NDST4: variants seen among roughly 807,000 people sequenced by gnomAD.
NDST4 encodes the protein N-deacetylase and N-sulfotransferase 4, also known as N-heparan sulfate sulfotransferase 4.
A neutral mutation model predicts 100.8 loss-of-function variants in NDST4; 63 were observed. The ratio of observed to expected loss-of-function variants is 0.62; its 90% CI spans 0.51 to 0.77. The LOEUF (loss-of-function observed/expected upper bound fraction) is 0.77, where lower values mean the gene tolerates loss of function less well. Among genes scored for constraint, NDST4 ranks in the 30% least tolerant of loss-of-function variants. NDST4 has a pLI of 0.00. For missense variants in NDST4, 943 were observed against 1,018.4 expected (o/e 0.93, Z 1.01); for synonymous variants, 377 against 361.8 (o/e 1.04, Z -0.48).
intron 6 of NDST4, among the ~76,000 whole-genome samples, chr4:114,909,794 A>G (rs959095333): frequency 6.6e-5 from 10 of 152,156 alleles, no homozygotes; most frequent in African/African-American, 2.2e-4. Flanking sequence ...TAATAAAGAC[A>G]ATTTTATGGA....
At chr4:114,970,695 T>C in intron 3 of NDST4, 111 bp from the exon 4 acceptor site, 1 of 886,764 alleles carries the variant, frequency 1.1e-6, no homozygotes, top group Non-Finnish European at 1.7e-6. Context: ...TATATCCAAT[T>C]CTGTGGGCTT....
chr4:114,890,116 CATGGAAATTGTTAGTAGTTAACA>C (rs1267934439), intron 6 of NDST4, among the ~76,000 whole-genome samples: 8 of 135,204 alleles, frequency 5.9e-5, no homozygotes, highest in African/African-American at 1.8e-4. Flanking sequence ...AGTAGTTAAC[CATGGAAATTGTTAGTAGTTAACA>C]ATGGAAATTG....
chr4:115,084,641 C>A (rs28783717), intron 1 of NDST4, among the ~76,000 whole-genome samples: 3,096 of 152,292 alleles, frequency 0.02, 114 homozygotes, highest in African/African-American at 0.071. Flanking sequence ...AAGGGGCCAA[C>A]ATATAGCTCT....
At chr4:114,921,130 TA>T (rs1425189481) in intron 6 of NDST4, among the ~76,000 whole-genome samples, 14 of 152,138 alleles carry the variant, frequency 9.2e-5, no homozygotes, top group Non-Finnish European at 1.8e-4. Context: ...TAAAACACCT[TA>T]AAACCATCAA....
At chr4:114,979,174 G>C (rs75288225) in intron 2 of NDST4, among the ~76,000 whole-genome samples, 4,035 of 151,710 alleles carry the variant, frequency 0.027, 120 homozygotes, top group African/African-American at 0.067. Flanking sequence ...AGCTCCCAAT[G>C]CCATTTCCCA....
chr4:114,945,637 C>A (rs761808401), intron 4 of NDST4, among the ~76,000 whole-genome samples: 10 of 152,086 alleles, frequency 6.6e-5, no homozygotes, highest in African/African-American at 2.4e-4. Context: ...TTAAGCAGTA[C>A]CTTGTTGAAC....
intron 6 of NDST4, among the ~76,000 whole-genome samples, chr4:114,882,384 TCACTG>T (rs1284882408): frequency 6.6e-6 from 1 of 152,010 alleles, no homozygotes; most frequent in East Asian, 1.9e-4. Context: ...GTAGAAAACA[TCACTG>T]CTATATTCCT....
chr4:114,831,661 G>T (rs948211392), intron 12 of NDST4, among the ~76,000 whole-genome samples: 1 of 152,124 alleles, frequency 6.6e-6, no homozygotes, highest in Non-Finnish European at 1.5e-5. Flanking sequence ...CTGTTGTAAG[G>T]CACAGCTTAA....
At chr4:114,999,487 A>T (rs1727236490) in intron 2 of NDST4, among the ~76,000 whole-genome samples, 1 of 152,158 alleles carries the variant, frequency 6.6e-6, no homozygotes, top group Non-Finnish European at 1.5e-5. Flanking sequence ...AAAGCAAGTG[A>T]TTAATATTAT....
intron 2 of NDST4, among the ~76,000 whole-genome samples, chr4:115,007,572 A>T (rs1478084101): frequency 4.5e-5 from 3 of 67,312 alleles, no homozygotes; most frequent in South Asian, 7.4e-4. Context: ...GGGTGAGCTG[A>T]GAATTCCAAC....
intron 2 of NDST4, among the ~76,000 whole-genome samples, chr4:115,003,678 C>T (rs566646532): frequency 2.0e-5 from 3 of 151,940 alleles, no homozygotes; most frequent in Admixed American, 2.0e-4. Context: ...CCAGCCTGAC[C>T]AATATAGTGA....
Position 114,935,924 on chromosome 4 carries a change from C to T in NDST4, c.1408-590G>A, listed in dbSNP as rs866185051. Among the ~76,000 whole-genome samples, 6 of 150,892 alleles carry T rather than the reference C, an allele frequency of 4.0e-5. No homozygotes were observed. In the South Asian group the frequency reaches 1.3e-3, roughly 31 times the overall value. On this transcript the variant is annotated intron_variant, in intron 5 of 13. Transcript: ENST00000264363. ...AGAAAGCAAATAAGTAATTTTATTCCAAAATCATATTTTGAATGACAAACT... is the reference window on the plus strand; with the variant it reads ...AGAAAGCAAATAAGTAATTTTATTCTAAAATCATATTTTGAATGACAAACT...
At chr4:115,070,465 C>T (rs564494747) in intron 2 of NDST4, among the ~76,000 whole-genome samples, 2 of 152,260 alleles carry the variant, frequency 1.3e-5, no homozygotes, top group East Asian at 1.9e-4. Context: ...CAGGTCAAAA[C>T]ATGACCATAT....
rs147387814 is a variant in NDST4 at position 114,958,455 on chromosome 4, T to A, written c.1221+11975A>T. Among the ~76,000 whole-genome samples the A allele has an allele frequency of 4.7e-3, 716 of 152,256 alleles. 4 individuals are homozygous for A. Among genetic ancestry groups the A allele is most frequent in the African/African-American group, 0.016 (677 of 41,550 alleles). On this transcript the variant is annotated intron_variant, in intron 4 of 13. Transcript: ENST00000264363. Reference sequence around the variant, plus strand: ...CACCTTTATTACAGTTTGTAACATGTTCCACATCTCCATCTGAGACCAATC... The same window carrying A: ...CACCTTTATTACAGTTTGTAACATGATCCACATCTCCATCTGAGACCAATC...
intron 6 of NDST4, among the ~76,000 whole-genome samples, chr4:114,907,731 G>T (rs1163812058): frequency 6.6e-6 from 1 of 151,934 alleles, no homozygotes; most frequent in African/African-American, 2.4e-5. Context: ...TGGGGTGGGG[G>T]TGGTCAAAAA....
chr4:115,093,015 TAGAA>T (rs1404899702), intron 1 of NDST4, among the ~76,000 whole-genome samples: 1 of 152,172 alleles, frequency 6.6e-6, no homozygotes, highest in Non-Finnish European at 1.5e-5. Flanking sequence ...TTTGTGATGA[TAGAA>T]AGTTCAATTC....
intron 2 of NDST4, among the ~76,000 whole-genome samples, chr4:114,990,534 G>A (rs1727014455): frequency 2.0e-5 from 3 of 151,726 alleles, no homozygotes; most frequent in Admixed American, 2.0e-4. Context: ...CTCTTATCTT[G>A]GGCCAGCAGT....
intron 2 of NDST4, among the ~76,000 whole-genome samples, chr4:115,040,909 T>TA (rs766295227): frequency 6.6e-6 from 1 of 151,976 alleles, no homozygotes; most frequent in Non-Finnish European, 1.5e-5. Flanking sequence ...AAAAAACAAG[T>TA]AATTGCCCAC....
chr4:114,941,699 C>T (rs915544289), intron 4 of NDST4, among the ~76,000 whole-genome samples: 3 of 152,104 alleles, frequency 2.0e-5, no homozygotes, highest in Admixed American at 2.0e-4. Flanking sequence ...TAACGGAGAT[C>T]CTGTGGCAGC....
Sources: gnomAD v4.1 joint callset for allele counts (sites outside exome capture counted in the v4.1 genomes callset) on GRCh38, gnomAD v4.1.1 for gene constraint, MANE v1.5 for transcripts, NCBI Gene and HGNC (gene_info 2026-07-23, HGNC 2026-07-21) for gene names.